The following PIWIL2 variants were observed in gnomAD, a reference collection of about 807,000 sequenced individuals.
The protein encoded by PIWIL2 is piwi-like protein 2.
In PIWIL2, 81 loss-of-function variants were observed where a neutral mutation model predicts 116.5. The ratio of observed to expected loss-of-function variants is 0.70; its 90% CI spans 0.58 to 0.84. The LOEUF is 0.84. PIWIL2 is among the 40% of genes least tolerant of loss of function. PIWIL2 has a pLI of 0.00. For missense variants in PIWIL2, 1,272 were observed against 1,212.3 expected (o/e 1.05, Z -0.73); for synonymous variants, 489 against 429.5 (o/e 1.14, Z -1.71).
intron 20 of PIWIL2, among the ~76,000 whole-genome samples, chr8:22,344,487 T>C (rs1185484908): frequency 1.3e-5 from 2 of 152,212 alleles, no homozygotes; most frequent in African/African-American, 4.8e-5. Flanking sequence ...TTTTGTAAAC[T>C]TGAAGATTCC....
intron 6 of PIWIL2, among the ~76,000 whole-genome samples, chr8:22,286,823 G>A (rs548591602): frequency 3.6e-4 from 54 of 151,660 alleles, no homozygotes; most frequent in Non-Finnish European, 7.4e-4. Flanking sequence ...GGGTTTCACC[G>A]TGATGGCCAG....
At position 22,333,604 on chromosome 8, in the gene PIWIL2, C is replaced by G. The variant is rs550521690; in HGVS notation, c.2403+15329C>G. ...TCCAGCCTGGGCAACAAGAGCGAGA[C>G]TCTGTCTCAAAAAACAAACAAAAAA... On this transcript the variant is annotated intron_variant, in intron 20 of 22. Transcript: ENST00000356766. 4.3e-4 allele frequency among the ~76,000 whole-genome samples: 65 copies of G among 152,078 alleles called. 2 individuals carry two copies. The highest frequency in any genetic ancestry group is 1.6e-3 in the African/African-American group (65 of 41,420).
At chr8:22,349,051 CTTT>C (rs35385064) in intron 20 of PIWIL2, among the ~76,000 whole-genome samples, 2 of 136,804 alleles carry the variant, frequency 1.5e-5, no homozygotes, top group Non-Finnish European at 1.6e-5. Context: ...TTTCTTTTTT[CTTT>C]TTTTTTTTTT....
At chr8:22,297,718 GGTCA>G (rs1177162828) in intron 10 of PIWIL2, among the ~76,000 whole-genome samples, 1 of 152,058 alleles carries the variant, frequency 6.6e-6, no homozygotes, top group Non-Finnish European at 1.5e-5. Context: ...GAAGGATCGG[GGTCA>G]GTGGATGAAA....
intron 10 of PIWIL2, among the ~76,000 whole-genome samples, chr8:22,298,161 G>T (rs1830956694): frequency 6.6e-6 from 1 of 152,048 alleles, no homozygotes; most frequent in African/African-American, 2.4e-5. Context: ...GGAGGCCGAG[G>T]TGGGAGAATC....
intron 20 of PIWIL2, among the ~76,000 whole-genome samples, chr8:22,324,754 G>C (rs938622254): frequency 3.3e-5 from 5 of 152,160 alleles, no homozygotes; most frequent in African/African-American, 1.2e-4. Context: ...GAGGTCATTA[G>C]AATGGGCCCT....
chr8:22,330,356 G>C (rs546843565), intron 20 of PIWIL2, among the ~76,000 whole-genome samples: 21 of 151,914 alleles, frequency 1.4e-4, no homozygotes, highest in Non-Finnish European at 2.8e-4. Flanking sequence ...TCATACTTTC[G>C]TTAAGGTCTT....
chr8:22,315,073 T>C lies in PIWIL2; in HGVS notation c.2136T>C (p.Ser712=). Residue 712 remains serine (S), a synonymous_variant, in exon 18 of 23, where the codon AGT becomes AGC. Transcript: ENST00000356766. The part of the protein sequence containing the change: ...RTIGQPTRLR[S]VAQKILLQIN... Reference sequence around the variant, plus strand: ...TTGGTCAGCCCACCAGGCTTCGGAGTGTGGCCCAGAAGATTTTACTTCAGA... The same window carrying C: ...TTGGTCAGCCCACCAGGCTTCGGAGCGTGGCCCAGAAGATTTTACTTCAGA... 1.2e-6 allele frequency: 2 copies of C among 1,613,800 alleles called. No homozygotes were observed. Among genetic ancestry groups the C allele is most frequent in the Non-Finnish European group, 1.7e-6 (2 of 1,179,796 alleles).
Position 22,314,362 on chromosome 8 carries a change from G to A in PIWIL2, c.2024G>A (p.Gly675Asp). 1.3e-6 allele frequency: 2 copies of A among 1,580,294 alleles called. No homozygotes were observed. The highest frequency in any genetic ancestry group is 1.2e-5 in the South Asian group (1 of 85,684). The change falls in exon 17 of 23, where the codon GGC becomes GAC. Residue 675 changes from glycine (G) to aspartate (D), a missense_variant. Coordinates refer to ENST00000356766, the MANE Select transcript of PIWIL2 (RefSeq NM_018068.5). ...KIQMVVCIIMGPRDDLYGAIK... is the reference protein window; with the variant it reads ...KIQMVVCIIMDPRDDLYGAIK... Reference sequence around the variant, plus strand: ...CAGATGGTTGTTTGCATCATCATGGGCCCACGTGATGATCTCTATGGGGCC... The same window carrying A: ...CAGATGGTTGTTTGCATCATCATGGACCCACGTGATGATCTCTATGGGGCC...
At chr8:22,323,217 G>A (rs1394976118) in intron 20 of PIWIL2, among the ~76,000 whole-genome samples, 1 of 133,012 alleles carries the variant, frequency 7.5e-6, no homozygotes, top group Admixed American at 9.6e-5. Context: ...GCACATTCTC[G>A]GCTCACTGCA....
At chr8:22,345,853 T>G (rs78793386) in intron 20 of PIWIL2, among the ~76,000 whole-genome samples, 9,237 of 152,246 alleles carry the variant, frequency 0.061, 370 homozygotes, top group Admixed American at 0.092. Context: ...ATAAAAAAGT[T>G]TATGATTTTA....
At chr8:22,351,057 C>A (rs1832341628) in intron 20 of PIWIL2, among the ~76,000 whole-genome samples, 1 of 151,730 alleles carries the variant, frequency 6.6e-6, no homozygotes, top group African/African-American at 2.4e-5. Flanking sequence ...AGGCTGAGGA[C>A]CAAGAATTGC....
intron 5 of PIWIL2, 71 bp downstream of exon 5, chr8:22,283,311 T>A: frequency 8.1e-7 from 1 of 1,237,828 alleles, no homozygotes; most frequent in Non-Finnish European, 1.2e-6. Context: ...TCGTGTGTAG[T>A]ATTGTAAAAT....
intron 6 of PIWIL2, among the ~76,000 whole-genome samples, chr8:22,285,161 A>T (rs1026706090): frequency 6.6e-6 from 1 of 152,214 alleles, no homozygotes; most frequent in Non-Finnish European, 1.5e-5. Flanking sequence ...ATAGATCACT[A>T]AAACTTACTC....
At chr8:22,335,293 A>G (rs907216880) in intron 20 of PIWIL2, among the ~76,000 whole-genome samples, 1 of 152,160 alleles carries the variant, frequency 6.6e-6, no homozygotes, top group South Asian at 2.1e-4. Flanking sequence ...AACTGAACTC[A>G]ACACTCAAAA....
At chr8:22,303,893 T>C in intron 10 of PIWIL2, 128 bp from the exon 11 acceptor site, 3 of 512,420 alleles carry the variant, frequency 5.9e-6, no homozygotes, top group Non-Finnish European at 6.7e-6. Context: ...GTCCCATCTT[T>C]TAACACAACT....
chr8:22,330,439 C>G (rs1831831346), intron 20 of PIWIL2, among the ~76,000 whole-genome samples: 1 of 152,062 alleles, frequency 6.6e-6, no homozygotes, highest in Non-Finnish European at 1.5e-5. Context: ...TGGCTCACGC[C>G]TATAATCCCA....
At chr8:22,346,955 C>G (rs746515994) in intron 20 of PIWIL2, among the ~76,000 whole-genome samples, 1 of 151,870 alleles carries the variant, frequency 6.6e-6, no homozygotes, top group Non-Finnish European at 1.5e-5. Flanking sequence ...AGGAGGAGCA[C>G]TTGAGCCCAG....
chr8:22,277,966 C>T (rs917393195), intron 1 of PIWIL2, among the ~76,000 whole-genome samples: 3 of 151,470 alleles, frequency 2.0e-5, no homozygotes, highest in African/African-American at 4.9e-5. Flanking sequence ...GTCGGGAGTT[C>T]GAGACCAGCC....
Sources: gnomAD v4.1 joint callset for allele counts (sites outside exome capture counted in the v4.1 genomes callset) on GRCh38, gnomAD v4.1.1 for gene constraint, MANE v1.5 for transcripts, NCBI Gene and HGNC (gene_info 2026-07-23, HGNC 2026-07-21) for gene names.